The following MROH7 variants were observed in gnomAD, a reference collection of about 807,000 sequenced individuals.
MROH7 encodes maestro heat-like repeat-containing protein family member 7.
In MROH7, 113 loss-of-function variants were observed where a neutral mutation model predicts 129.2. That is an observed-to-expected ratio of 0.87 (90% CI 0.75 to 1.02). The LOEUF (loss-of-function observed/expected upper bound fraction) is 1.02. Among genes scored for constraint, MROH7 ranks in the 50% least tolerant of loss-of-function variants. The pLI is 0.00. For synonymous variants in MROH7, 655 were observed against 667.9 expected, an observed-to-expected ratio of 0.98 and a Z score of 0.30; for missense variants, 1,601 against 1,671.3, an observed-to-expected ratio of 0.96 and a Z score of 0.73.
intron 8 of MROH7, 146 bp from the exon 9 acceptor site, chr1:54,673,555 T>C: frequency 1.5e-6 from 1 of 663,950 alleles, no homozygotes. Flanking sequence ...TATCTCTGCC[T>C]ATACCCCAAG....
intron 14 of MROH7, among the ~76,000 whole-genome samples, chr1:54,685,396 C>G (rs1459139393): frequency 6.6e-6 from 1 of 152,234 alleles, no homozygotes; most frequent in Non-Finnish European, 1.5e-5. Flanking sequence ...CATTTAGGCT[C>G]TAACACTCCT....
intron 22 of MROH7, among the ~76,000 whole-genome samples, chr1:54,707,704 G>A (rs545460177): frequency 1.3e-5 from 2 of 152,294 alleles, no homozygotes; most frequent in East Asian, 3.9e-4. Context: ...GGCCTGTGCT[G>A]GGGAAACATA....
At chr1:54,650,808 C>T (rs1212211110) in intron 1 of MROH7, among the ~76,000 whole-genome samples, 3 of 151,712 alleles carry the variant, frequency 2.0e-5, no homozygotes, top group Non-Finnish European at 4.4e-5. Flanking sequence ...ATTGTAGCCT[C>T]AACCTCCTGG....
rs201511804 is a variant in MROH7, at chr1:54,710,134, C to T, written c.3919C>T (p.Arg1307Cys). ...CENLPTSHQRRSWIMQALGSW... is the reference protein window; with the variant it reads ...CENLPTSHQRCSWIMQALGSW... ...GAACCTGCCCACTTCCCACCAGCGG[C>T]GCTCCTGGATCATGCAGGCACTGGG... The change falls in exon 24 of 24, where the codon CGC becomes TGC. Residue 1307 changes from arginine (R) to cysteine (C), a missense_variant. Coordinates refer to ENST00000421030, the MANE Select transcript of MROH7 (RefSeq NM_001039464.4). The T allele has an allele frequency of 4.0e-4, 649 of 1,613,696 alleles. 1 individual carries two copies. The African/African-American group carries it at 7.4e-3, about 18-fold the overall frequency.
chr1:54,682,671 G>A lies in MROH7; in HGVS notation c.2397G>A (p.Met799Ile). The A allele has an allele frequency of 1.2e-6, 2 of 1,613,776 alleles. No individual in the cohort carries two copies. Among genetic ancestry groups the A allele is most frequent in the South Asian group, 1.1e-5 (1 of 91,006 alleles). The stretch of plus-strand genomic sequence containing the variant: ...GACCTCTCAGCAATGGAGCAGAGAT[G>A]TGGAGGCAGCTGATACTGTGTAAGC... ...PLPLNSNGAEMWRQLILCKPS... is the reference protein window; with the variant it reads ...PLPLNSNGAEIWRQLILCKPS... Residue 799 changes from methionine to isoleucine, a missense_variant, in exon 14 of 24, where the codon ATG becomes ATA. Physicochemically the swap from Met to Ile is conservative, Grantham distance 10. Transcript: ENST00000421030.
intron 1 of MROH7, among the ~76,000 whole-genome samples, chr1:54,644,968 C>A (rs1038751231): frequency 6.6e-6 from 1 of 151,902 alleles, no homozygotes; most frequent in Non-Finnish European, 1.5e-5. Context: ...TGTCACCATA[C>A]CTGGCTAATT....
chr1:54,696,194 G>A (rs1464736272), intron 17 of MROH7, among the ~76,000 whole-genome samples: 2 of 152,090 alleles, frequency 1.3e-5, no homozygotes, highest in African/African-American at 4.8e-5. Context: ...AAAACCCTGA[G>A]GCATCAATTT....
chr1:54,642,907 G>T (rs1243555946), intron 1 of MROH7, among the ~76,000 whole-genome samples: 1 of 152,200 alleles, frequency 6.6e-6, no homozygotes, highest in Non-Finnish European at 1.5e-5. Context: ...GAGCCATTGT[G>T]CCTGGCCAGA....
chr1:54,648,171 G>A lies in MROH7; in HGVS notation c.-109-3778G>A, dbSNP rs116741785. Reference sequence around the variant, plus strand: ...AGTGCTGAGATTATAGACGTGAGCCGCCATGCCCTGCTGAAGACACTATTC... The same window carrying A: ...AGTGCTGAGATTATAGACGTGAGCCACCATGCCCTGCTGAAGACACTATTC... On this transcript the variant is annotated intron_variant, in intron 1 of 23. Transcript: ENST00000421030. 6.0e-3 allele frequency among the ~76,000 whole-genome samples: 906 copies of A among 151,014 alleles called. 10 individuals carry two copies. The highest frequency in any genetic ancestry group is 0.02 in the African/African-American group (825 of 41,142).
intron 15 of MROH7, among the ~76,000 whole-genome samples, chr1:54,690,430 GT>G: frequency 6.6e-6 from 1 of 151,314 alleles, no homozygotes; most frequent in Non-Finnish European, 1.5e-5. Context: ...GAGTTCAGAA[GT>G]TCAGAAGTTT....
chr1:54,702,103 T>A lies in MROH7; in HGVS notation c.3299T>A (p.Val1100Glu), dbSNP rs781195276. Residue 1100 changes from valine to glutamate, a missense_variant, in exon 20 of 24, where the codon GTG becomes GAG. Val to Glu is a moderately radical substitution (Grantham distance 121, BLOSUM62 -2). Coordinates refer to ENST00000421030, the MANE Select transcript of MROH7 (RefSeq NM_001039464.4). Reference protein sequence around the residue: ...LPHFSDAREVVRSSCINLYGK... With the variant: ...LPHFSDAREVERSSCINLYGK... ...GGTCTTCCCCAGGCACGAGAGGTCG[T>A]GCGCTCCTCCTGCATCAACCTGTAT... is the stretch of plus-strand genomic sequence containing the variant. 6.2e-7 allele frequency: 1 copy of A among 1,602,450 alleles called. No homozygotes were observed. Among genetic ancestry groups the A allele is most frequent in the South Asian group, 1.1e-5 (1 of 89,666 alleles).
In MROH7 at chr1:54,700,406, T is replaced by C. The variant is rs201020637; in HGVS notation, c.3050T>C (p.Ile1017Thr). The C allele has an allele frequency of 1.9e-4, 314 of 1,613,562 alleles. 1 individual carries two copies. In the Middle Eastern group the frequency reaches 2.6e-3, roughly 14 times the overall value. ...MAEGLSHHDP[I>T]MKVLSIRGLV... The stretch of plus-strand genomic sequence containing the variant: ...GAAGGCCTGAGCCACCACGACCCCA[T>C]CATGAAGGTGCTGTCCATTCGAGGC... The change falls in exon 18 of 24, where the codon ATC becomes ACC. Residue 1017 changes from isoleucine (I) to threonine (T), a missense_variant. Coordinates refer to ENST00000421030, the MANE Select transcript of MROH7 (RefSeq NM_001039464.4).
intron 1 of MROH7, among the ~76,000 whole-genome samples, chr1:54,645,076 C>T (rs930518369): frequency 2.6e-5 from 4 of 152,074 alleles, no homozygotes; most frequent in African/African-American, 9.7e-5. Flanking sequence ...TCCCAAAGTG[C>T]TGAGATTACA....
chr1:54,709,968 C>T lies in MROH7; in HGVS notation c.3753C>T (p.Asp1251=). ...VKAALDNLRH[D]PEASVCIYAA... Reference sequence around the variant, plus strand: ...CAGCTCTGGATAACTTGAGACATGACCCAGAAGCATCAGTGTGCATCTACG... The same window carrying T: ...CAGCTCTGGATAACTTGAGACATGATCCAGAAGCATCAGTGTGCATCTACG... The change falls in exon 24 of 24, where the codon GAC becomes GAT. Residue 1251 remains aspartate, a synonymous_variant. Coordinates refer to ENST00000421030, the MANE Select transcript of MROH7 (RefSeq NM_001039464.4). 2 of 1,613,738 alleles carry T rather than the reference C, an allele frequency of 1.2e-6. No individual in the cohort carries two copies. Among genetic ancestry groups the T allele is most frequent in the East Asian group, 2.2e-5 (1 of 44,852 alleles).
intron 3 of MROH7, among the ~76,000 whole-genome samples, chr1:54,657,853 G>GT (rs1010245028): frequency 6.6e-5 from 10 of 151,986 alleles, no homozygotes; most frequent in African/African-American, 2.2e-4. Context: ...TAGAGATGGG[G>GT]TTTTACCTTG....
At chr1:54,670,660 T>TACCC in intron 6 of MROH7, 84 bp downstream of exon 6, 2 of 1,061,792 alleles carry the variant, frequency 1.9e-6, no homozygotes, top group Non-Finnish European at 2.7e-6. Context: ...CGCTGTACCC[T>TACCC]CCCCCAACCC....
At chr1:54,699,910 T>G in intron 17 of MROH7, 1 of 566,144 alleles carries the variant, frequency 1.8e-6, no homozygotes. Context: ...GTGGCAGGGG[T>G]CAGAGTGGAG....
Position 54,673,147 on chromosome 1 carries a change from C to G in MROH7, c.1656C>G (p.Ile552Met). 2 of 1,613,874 alleles carry G rather than the reference C, an allele frequency of 1.2e-6. No homozygotes were observed. Among genetic ancestry groups the G allele is most frequent in the African/African-American group, 1.3e-5 (1 of 75,000 alleles). ...AGACACTGCTCAAAGCCCTCTTTAT[C>G]GAGGACCCCACTCCTGCTGGGCTGA... Reference protein sequence around the residue: ...ALQTLLKALFIEDPTPAGLKS... With the variant: ...ALQTLLKALFMEDPTPAGLKS... Residue 552 changes from isoleucine (I) to methionine (M), a missense_variant, in exon 8 of 24, where the codon ATC (isoleucine) becomes ATG (methionine). Physicochemically the swap from Ile to Met is conservative, Grantham distance 10 (BLOSUM62 1). Coordinates refer to ENST00000421030, the MANE Select transcript of MROH7 (RefSeq NM_001039464.4).
intron 16 of MROH7, among the ~76,000 whole-genome samples, chr1:54,693,704 C>G (rs75481918): frequency 0.015 from 2,324 of 152,186 alleles, 52 homozygotes; most frequent in African/African-American, 0.054. Context: ...TGCTGTGACT[C>G]CTGCAGGAAA....
Sources: gnomAD v4.1 joint callset for allele counts (sites outside exome capture counted in the v4.1 genomes callset) on GRCh38, gnomAD v4.1.1 for gene constraint, MANE v1.5 for transcripts, NCBI Gene and HGNC (gene_info 2026-07-23, HGNC 2026-07-21) for gene names.